PPP2R3B: variants seen among roughly 807,000 people sequenced by gnomAD.
The protein encoded by PPP2R3B is protein phosphatase 2 regulatory subunit B''beta.
In PPP2R3B, 68 loss-of-function variants were observed where a neutral mutation model predicts 72.9. The observed-to-expected ratio is 0.93, with a 90% CI of 0.77 to 1.14. The LOEUF (loss-of-function observed/expected upper bound fraction) is 1.14, where lower values mean the gene tolerates loss of function less well. Among genes scored for constraint, PPP2R3B ranks in the 50% most tolerant of loss-of-function variants. The pLI, the probability that PPP2R3B is intolerant of heterozygous loss-of-function variation, is 0.00. For missense variants in PPP2R3B, 1,018 were observed against 842.0 expected (o/e 1.21, Z -2.59); for synonymous variants, 466 against 375.8 (o/e 1.24, Z -2.78).
intron 1 of PPP2R3B, among the ~76,000 whole-genome samples, chrX:375,703 C>T (rs2071976311): frequency 2.0e-5 from 3 of 152,242 alleles, no homozygotes; most frequent in African/African-American, 4.8e-5. Flanking sequence ...AGATTGGGAG[C>T]CAACCTCCTG....
chrX:361,724 G>T, intron 1 of PPP2R3B, 134 bp from the exon 2 acceptor site: 1 of 977,452 alleles, frequency 1.0e-6, no homozygotes, highest in Non-Finnish European at 1.5e-6. Context: ...AGGACACACT[G>T]CAATCCCTGC....
intron 12 of PPP2R3B, chrX:337,979 A>G (rs2070935898): frequency 6.4e-6 from 1 of 156,100 alleles, no homozygotes. Flanking sequence ...GGATTCAGAA[A>G]TGAATTCTTA....
Position 334,372 on chromosome X carries a change from G to A in PPP2R3B, c.1723C>T (p.Leu575=), listed in dbSNP as rs148592690. 28 of 1,506,522 alleles carry A rather than the reference G, an allele frequency of 1.9e-5. No individual in the cohort carries two copies. Among genetic ancestry groups the A allele is most frequent in the South Asian group, 3.8e-5 (3 of 79,818 alleles). The allele number at this position is 1,506,522 out of a possible 1,614,324, so 93.3% of individuals were successfully genotyped here. Residue 575 remains leucine, a synonymous_variant, in exon 13 of 13, where the codon CTG becomes TTG. Coordinates refer to ENST00000390665, the MANE Select transcript of PPP2R3B (RefSeq NM_013239.5). ...CGGCGTTCTCGCGGGCGGCGTCACAGCGGCTCCAGGTCCTCGTCCCCGCAT... is the reference window on the plus strand; with the variant it reads ...CGGCGTTCTCGCGGGCGGCGTCACAACGGCTCCAGGTCCTCGTCCCCGCAT... ...YACGDEDLEP[L]
chrX:349,268 G>A (rs1206593829), intron 2 of PPP2R3B, among the ~76,000 whole-genome samples: 2 of 152,008 alleles, frequency 1.3e-5, no homozygotes, highest in Non-Finnish European at 2.9e-5. Flanking sequence ...GCGGGAAGGC[G>A]CCGTCGATGA....
At chrX:356,275 G>C (rs2738333) in intron 2 of PPP2R3B, among the ~76,000 whole-genome samples, 29,721 of 152,012 alleles carry the variant, frequency 0.2, 3,407 homozygotes, top group Admixed American at 0.3. Context: ...GAGTGCAGTG[G>C]TGCGATCTTG....
Position 334,579 on chromosome X carries a change from C to T in PPP2R3B, c.1578-62G>A, listed in dbSNP as rs181661716. Reference sequence around the variant, plus strand: ...GCGGAGCAGGCCCTGGGCCGTTTTCCGGGAAACACAGGCTGCTCGGCCGCC... The same window carrying T: ...GCGGAGCAGGCCCTGGGCCGTTTTCTGGGAAACACAGGCTGCTCGGCCGCC... On this transcript the variant is annotated intron_variant, in intron 12 of 12. Transcript: ENST00000390665. 7,102 of 1,387,448 alleles carry T rather than the reference C, an allele frequency of 5.1e-3. 26 individuals carry two copies. Among genetic ancestry groups the T allele is most frequent in the Non-Finnish European group, 6.1e-3 (6,501 of 1,072,178 alleles). 85.9% of individuals were successfully genotyped at this position (1,387,448 alleles called of 1,614,324 possible).
At chrX:338,280 T>C (rs2070944160) in intron 12 of PPP2R3B, 5 of 489,588 alleles carry the variant, frequency 1.0e-5, no homozygotes, top group South Asian at 7.0e-5. Context: ...GTGCCAGCCG[T>C]GGGATAAGGA....
At chrX:374,208 C>G (rs1361949661) in intron 1 of PPP2R3B, among the ~76,000 whole-genome samples, 1 of 152,130 alleles carries the variant, frequency 6.6e-6, no homozygotes, top group Non-Finnish European at 1.5e-5. Flanking sequence ...GAAGGCGCTC[C>G]CCGCGAGAAG....
In PPP2R3B at chrX:333,937, CCAAACGTA is replaced by C. The variant is rs2070812056; in HGVS notation, c.*422_*429del. ...AGCCGAGCCCGTGACTGAAAATCCT[CCAAACGTA>C]CAAGCGTGATCGCCAGAAACGGTTT... On this transcript the variant is annotated 3_prime_UTR_variant, in exon 13 of 13. Transcript: ENST00000390665. The C allele has an allele frequency of 6.3e-6, 1 of 157,880 alleles. No homozygotes were observed. The highest frequency in any genetic ancestry group is 1.4e-5 in the Non-Finnish European group (1 of 72,068). The allele number at this position is 157,880 out of a possible 1,614,324, so 9.8% of individuals were successfully genotyped here. A position where few individuals can be genotyped will look rare whatever the true frequency, so the allele number is the denominator to read the frequency against.
intron 1 of PPP2R3B, among the ~76,000 whole-genome samples, chrX:371,547 C>T (rs1420925262): frequency 6.6e-6 from 1 of 152,080 alleles, no homozygotes; most frequent in African/African-American, 2.4e-5. Context: ...AGATCAAGCT[C>T]AGGAGCACCC....
At position 347,670 on chromosome X, in the gene PPP2R3B, C is replaced by T. The variant is rs2071251660; in HGVS notation, c.534G>A (p.Trp178Ter). 2 of 1,553,032 alleles carry T rather than the reference C, an allele frequency of 1.3e-6. No homozygotes were observed. Among genetic ancestry groups the T allele is most frequent in the Non-Finnish European group, 1.7e-6 (2 of 1,150,810 alleles). Reference protein sequence around the residue: ...VAKACGCPLYWKGPLFYGAGG... With the variant: ...VAKACGCPLY ...CGGCGCCATAGAAGAGCGGCCCCTT[C>T]CAGTAGAGGGGGCAGCCGCAGGCCT... Residue 178 changes from tryptophan (W) to a stop codon, truncating the protein, a stop_gained, in exon 3 of 13, where the codon TGG becomes TGA. Transcript: ENST00000390665. LOFTEE classifies it high-confidence loss of function.
intron 2 of PPP2R3B, among the ~76,000 whole-genome samples, chrX:360,730 G>A (rs1243036601): frequency 6.6e-6 from 1 of 152,154 alleles, no homozygotes; most frequent in South Asian, 2.1e-4. Context: ...GTAGGAGGCT[G>A]GAGATGCGGG....
At position 334,325 on chromosome X, in the gene PPP2R3B, C is replaced by T. The variant is rs1233917488; in HGVS notation, c.*42G>A. The T allele has an allele frequency of 6.9e-7, 1 of 1,442,110 alleles. No homozygotes were observed. The highest frequency in any genetic ancestry group is 9.1e-7 in the Non-Finnish European group (1 of 1,102,946). The allele number at this position is 1,442,110 out of a possible 1,614,324, so 89.3% of individuals were successfully genotyped here. A position where few individuals can be genotyped will look rare whatever the true frequency, so the allele number is the denominator to read the frequency against. On this transcript the variant is annotated 3_prime_UTR_variant, in exon 13 of 13. Coordinates refer to ENST00000390665, the MANE Select transcript of PPP2R3B (RefSeq NM_013239.5). Reference sequence around the variant, plus strand: ...ACGAGCCGCGGTGGCCCGGTGGTGGCACGTGGGGAGCGGCCCCGCGGCGGC... The same window carrying T: ...ACGAGCCGCGGTGGCCCGGTGGTGGTACGTGGGGAGCGGCCCCGCGGCGGC...
rs997972025 is a variant in PPP2R3B, at chrX:361,341, C to G, written c.510+64G>C. ...TGACACGCACCCACCACGGCCGCTC[C>G]GCCTCACCCTCACATGCCCGCAGTA... On this transcript the variant is annotated intron_variant, in intron 2 of 12. Coordinates refer to ENST00000390665, the MANE Select transcript of PPP2R3B (RefSeq NM_013239.5). 11 of 1,583,736 alleles carry G rather than the reference C, an allele frequency of 6.9e-6. No individual in the cohort carries two copies. In the African/African-American group the frequency reaches 8.1e-5, roughly 12 times the overall value.
In PPP2R3B at chrX:358,529, G is replaced by C. The variant is rs769646075; in HGVS notation, c.510+2876C>G. Among the ~76,000 whole-genome samples the C allele has an allele frequency of 7.6e-4, 116 of 152,346 alleles. 1 individual carries two copies. The highest frequency in any genetic ancestry group is 2.5e-3 in the African/African-American group (106 of 41,594). ...AACTTCAGTCTCAGAGCTCTCCCCTGCCCCGCTGGGTCACACCCAGGTCAC... is the reference window on the plus strand; with the variant it reads ...AACTTCAGTCTCAGAGCTCTCCCCTCCCCCGCTGGGTCACACCCAGGTCAC... On this transcript the variant is annotated intron_variant, in intron 2 of 12. Transcript: ENST00000390665.
chrX:361,278 G>T, intron 2 of PPP2R3B, 127 bp downstream of exon 2: 1 of 1,081,438 alleles, frequency 9.2e-7, no homozygotes, highest in Non-Finnish European at 1.3e-6. Flanking sequence ...CGTGTGAAAC[G>T]CACCCTCCTC....
intron 2 of PPP2R3B, among the ~76,000 whole-genome samples, chrX:358,902 C>A: frequency 7.7e-6 from 1 of 130,180 alleles, no homozygotes; most frequent in Non-Finnish European, 1.6e-5. Flanking sequence ...CGGGGAAGCA[C>A]CGTGGGGACG....
chrX:379,218 T>C (rs1474982579), intron 1 of PPP2R3B, among the ~76,000 whole-genome samples: 1 of 150,544 alleles, frequency 6.6e-6, no homozygotes, highest in Non-Finnish European at 1.5e-5. Flanking sequence ...CACCTGTGTA[T>C]GCACCTGTGT....
At position 384,203 on chromosome X, in the gene PPP2R3B, G is replaced by A. The variant is rs1231536865; in HGVS notation, c.324+2165C>T. ...TTTTGAGATTCAAGAAGTAAATAAA[G>A]GATGTTTTTCTTTTTCTCTATTGCT... On this transcript the variant is annotated intron_variant, in intron 1 of 12. Coordinates refer to ENST00000390665, the MANE Select transcript of PPP2R3B (RefSeq NM_013239.5). 2.0e-5 allele frequency among the ~76,000 whole-genome samples: 3 copies of A among 151,964 alleles called. No individual in the cohort carries two copies. In the East Asian group the frequency reaches 5.8e-4, roughly 29 times the overall value.
Sources: gnomAD v4.1 joint callset for allele counts (sites outside exome capture counted in the v4.1 genomes callset) on GRCh38, gnomAD v4.1.1 for gene constraint, MANE v1.5 for transcripts, NCBI Gene and HGNC (gene_info 2026-07-23, HGNC 2026-07-21) for gene names.